Variants in PCED1B observed in about 807,000 individuals in gnomAD.
The protein encoded by PCED1B is PC-esterase domain containing 1B.
For synonymous variants in PCED1B, 251 were observed against 246.1 expected, an observed-to-expected ratio of 1.02 and a Z score of -0.19; for missense variants, 573 against 573.9, an observed-to-expected ratio of 1.00 and a Z score of 0.02.
chr12:47,146,159 G>C (rs770047850), intron 2 of PCED1B, among the ~76,000 whole-genome samples: 13 of 152,160 alleles, frequency 8.5e-5, no homozygotes, highest in Non-Finnish European at 1.0e-4. Context: ...CAGATGTAGC[G>C]CAAATAGCAA....
intron 2 of PCED1B, among the ~76,000 whole-genome samples, chr12:47,211,802 A>G (rs553325148): frequency 2.7e-5 from 4 of 150,100 alleles, no homozygotes; most frequent in African/African-American, 7.4e-5. Context: ...TCGGCTGGGC[A>G]CGGTGGCTCA....
chr12:47,233,170 G>C (rs1943863353), intron 3 of PCED1B, among the ~76,000 whole-genome samples: 1 of 152,160 alleles, frequency 6.6e-6, no homozygotes, highest in Non-Finnish European at 1.5e-5. Flanking sequence ...GCCTTCCAAA[G>C]TGCTGGGTTT....
At chr12:47,232,577 A>C (rs1365409104) in intron 3 of PCED1B, among the ~76,000 whole-genome samples, 7 of 152,200 alleles carry the variant, frequency 4.6e-5, no homozygotes, top group Admixed American at 2.0e-4. Context: ...CCGGATTTTC[A>C]AGGCTTTTGT....
intron 1 of PCED1B, among the ~76,000 whole-genome samples, chr12:47,082,225 G>A (rs1217998719): frequency 1.3e-5 from 2 of 152,120 alleles, no homozygotes; most frequent in Non-Finnish European, 2.9e-5. Flanking sequence ...TTTGTGTATT[G>A]CTGTATTCTC....
chr12:47,131,729 C>T (rs948492645), intron 2 of PCED1B, among the ~76,000 whole-genome samples: 5 of 143,058 alleles, frequency 3.5e-5, no homozygotes, highest in Admixed American at 7.1e-5. Context: ...AGTGCAGTGG[C>T]GCAATCTCGT....
At chr12:47,093,279 TAA>T (rs1216601910) in intron 1 of PCED1B, among the ~76,000 whole-genome samples, 4 of 152,002 alleles carry the variant, frequency 2.6e-5, no homozygotes, top group Non-Finnish European at 5.9e-5. Context: ...AAATTTGTTT[TAA>T]GTTTCCTTTT....
intron 2 of PCED1B, among the ~76,000 whole-genome samples, chr12:47,111,476 A>G (rs1373694476): frequency 6.6e-6 from 1 of 152,128 alleles, no homozygotes; most frequent in Admixed American, 6.5e-5. Context: ...ATTTACAGTT[A>G]GGGGCCTTAA....
At chr12:47,207,804 G>A (rs1942956062) in intron 2 of PCED1B, among the ~76,000 whole-genome samples, 1 of 152,148 alleles carries the variant, frequency 6.6e-6, no homozygotes, top group African/African-American at 2.4e-5. Flanking sequence ...AACTTATTCA[G>A]ATAAAACATT....
intron 1 of PCED1B, among the ~76,000 whole-genome samples, chr12:47,099,285 C>T (rs1262966750): frequency 6.6e-6 from 1 of 152,174 alleles, no homozygotes; most frequent in Non-Finnish European, 1.5e-5. Context: ...AGGAGGAGCA[C>T]CGGAACACCG....
Position 47,235,402 on chromosome 12 carries a change from G to C in PCED1B, c.339G>C (p.Glu113Asp), listed in dbSNP as rs1351288152. 1.2e-6 allele frequency: 2 copies of C among 1,614,156 alleles called. No individual in the cohort carries two copies. The highest frequency in any genetic ancestry group is 1.1e-5 in the South Asian group (1 of 91,086). ...TCTTGAAAGAGCTGCAGTCGGGCGA[G>C]CACGCCCCCGACCTGGTCATCATGA... ...QTILKELQSG[E>D]HAPDLVIMNS... Residue 113 changes from glutamate to aspartate, a missense_variant, in exon 4 of 4, where the codon GAG (glutamate) becomes GAC (aspartate). Coordinates refer to ENST00000546455, the MANE Select transcript of PCED1B (RefSeq NM_138371.3).
chr12:47,195,328 C>CA (rs11454301), intron 2 of PCED1B, among the ~76,000 whole-genome samples: 73,776 of 135,948 alleles, frequency 0.54, 20,473 homozygotes, highest in South Asian at 0.69. Context: ...GTCTCTGTCT[C>CA]AAAAAAAAAA....
chr12:47,217,864 A>G (rs1011616742), intron 3 of PCED1B, among the ~76,000 whole-genome samples: 1 of 152,250 alleles, frequency 6.6e-6, no homozygotes, highest in Non-Finnish European at 1.5e-5. Flanking sequence ...GGCATGAGCT[A>G]CCGCGCCCTT....
At chr12:47,099,653 G>A (rs184861298) in intron 1 of PCED1B, among the ~76,000 whole-genome samples, 10 of 152,034 alleles carry the variant, frequency 6.6e-5, no homozygotes, top group African/African-American at 1.9e-4. Context: ...ACTACCATGC[G>A]CCCTTGTACT....
intron 2 of PCED1B, among the ~76,000 whole-genome samples, chr12:47,153,234 C>T (rs577049987): frequency 6.6e-6 from 1 of 151,372 alleles, no homozygotes; most frequent in Admixed American, 6.6e-5. Context: ...CCTGTAGTCC[C>T]AGCTACTTGG....
Position 47,235,747 on chromosome 12 carries a change from C to T in PCED1B, c.684C>T (p.Asp228=), listed in dbSNP as rs1943959442. 1.9e-6 allele frequency: 3 copies of T among 1,603,610 alleles called. No homozygotes were observed. Among genetic ancestry groups the T allele is most frequent in the East Asian group, 2.3e-5 (1 of 44,420 alleles). The stretch of plus-strand genomic sequence containing the variant: ...ACGCGAGGGAGAACCTGCACTGGGA[C>T]GGGGTGCACTGGAATGGACGTGTGC... ...FRHARENLHW[D]GVHWNGRVHR... The change falls in exon 4 of 4, where the codon GAC becomes GAT. Residue 228 remains aspartate, a synonymous_variant. Transcript: ENST00000546455.
At chr12:47,149,632 A>G (rs1940917123) in intron 2 of PCED1B, among the ~76,000 whole-genome samples, 1 of 152,222 alleles carries the variant, frequency 6.6e-6, no homozygotes, top group Non-Finnish European at 1.5e-5. Flanking sequence ...GCAAAGATTT[A>G]TGCTTTAACG....
chr12:47,236,124 A>C lies in PCED1B; in HGVS notation c.1061A>C (p.Tyr354Ser), dbSNP rs368685456. The C allele has an allele frequency of 1.2e-6, 2 of 1,613,836 alleles. No homozygotes were observed. Among genetic ancestry groups the C allele is most frequent in the African/African-American group, 1.3e-5 (1 of 74,848 alleles). ...CATACTTTCCAGTCGGATCAATTCTATTGCCATTCAGATGTCCCCTCATCA... is the reference window on the plus strand; with the variant it reads ...CATACTTTCCAGTCGGATCAATTCTCTTGCCATTCAGATGTCCCCTCATCA... ...SDHTFQSDQF[Y>S]CHSDVPSSAH... Residue 354 changes from tyrosine to serine, a missense_variant, in exon 4 of 4, where the codon TAT becomes TCT. Tyr to Ser is a moderately radical substitution (Grantham distance 144, BLOSUM62 -2). Coordinates refer to ENST00000546455, the MANE Select transcript of PCED1B (RefSeq NM_138371.3).
intron 1 of PCED1B, among the ~76,000 whole-genome samples, chr12:47,094,654 T>C (rs1206000653): frequency 6.6e-6 from 1 of 152,162 alleles, no homozygotes; most frequent in East Asian, 1.9e-4. Context: ...AAATTATCTT[T>C]GCCACTCCTC....
chr12:47,196,779 C>T (rs10881076), intron 2 of PCED1B, among the ~76,000 whole-genome samples: 49,513 of 151,610 alleles, frequency 0.33, 8,404 homozygotes, highest in East Asian at 0.61. Context: ...GAGCCAAGAT[C>T]GTGCCACTGC....
Sources: gnomAD v4.1 joint callset for allele counts (sites outside exome capture counted in the v4.1 genomes callset) on GRCh38, gnomAD v4.1.1 for gene constraint, MANE v1.5 for transcripts, NCBI Gene and HGNC (gene_info 2026-07-23, HGNC 2026-07-21) for gene names.